Variants in RNF217 observed in about 807,000 individuals in gnomAD.
RNF217 encodes the protein ring finger protein 217, also known as E3 ubiquitin-protein ligase RNF217.
In RNF217, 31 loss-of-function variants were observed where a neutral mutation model predicts 57.8. The ratio of observed to expected loss-of-function variants is 0.54; its 90% confidence interval spans 0.40 to 0.72. The LOEUF (loss-of-function observed/expected upper bound fraction) is 0.72, where lower values mean the gene tolerates loss of function less well. Among genes scored for constraint, RNF217 ranks in the 30% least tolerant of loss-of-function variants. The pLI, the probability that RNF217 is intolerant of heterozygous loss-of-function variation, is 0.00. For synonymous variants in RNF217, 313 were observed against 294.0 expected (o/e 1.06, Z -0.66); for missense variants, 696 against 708.3 (o/e 0.98, Z 0.20).
rs568421361 is a variant in RNF217 at position 124,969,871 on chromosome 6, GGGGTTGTCATGGAGGATATGTTTTACGAA to G, written c.882+6449_882+6477del. Among the ~76,000 whole-genome samples the G allele has an allele frequency of 2.2e-3, 330 of 152,214 alleles. 2 individuals are homozygous for G. The highest frequency in any genetic ancestry group is 7.3e-3 in the African/African-American group (302 of 41,520). ...TCCTTGATAAATCTATAGTTTTGGG[GGGGTTGTCATGGAGGATATGTTTTACGAA>G]GGGATTTTTGAGAAGAGATCTTCAT... On this transcript the variant is annotated intron_variant, in intron 1 of 5. Transcript: ENST00000521654.
intron 1 of RNF217, among the ~76,000 whole-genome samples, chr6:125,014,302 G>A (rs1785525625): frequency 6.6e-6 from 1 of 152,164 alleles, no homozygotes; most frequent in Non-Finnish European, 1.5e-5. Context: ...AGTTTGTACT[G>A]CTCTAAATTC....
intron 1 of RNF217, among the ~76,000 whole-genome samples, chr6:125,039,294 G>A (rs1304298800): frequency 6.6e-6 from 1 of 151,856 alleles, no homozygotes; most frequent in Non-Finnish European, 1.5e-5. Context: ...AGCAAGGGTT[G>A]CAATCCTAGT....
intron 1 of RNF217, among the ~76,000 whole-genome samples, chr6:125,012,964 T>C (rs924299791): frequency 6.6e-6 from 1 of 152,168 alleles, no homozygotes; most frequent in Non-Finnish European, 1.5e-5. Context: ...GGGTAGTTTT[T>C]CAGATATAGA....
intron 3 of RNF217, among the ~76,000 whole-genome samples, chr6:125,070,629 C>A (rs532700250): frequency 1.3e-5 from 2 of 152,194 alleles, no homozygotes; most frequent in South Asian, 2.1e-4. Context: ...TGTTTGTTGA[C>A]TGTTGGTATC....
chr6:125,075,905 G>C (rs1240457099), intron 3 of RNF217, among the ~76,000 whole-genome samples: 1 of 151,934 alleles, frequency 6.6e-6, no homozygotes, highest in African/African-American at 2.4e-5. Flanking sequence ...CACACTGTAT[G>C]TTATATATGG....
chr6:125,025,606 A>G (rs1260690656), intron 1 of RNF217, among the ~76,000 whole-genome samples: 2 of 148,614 alleles, frequency 1.3e-5, no homozygotes, highest in Non-Finnish European at 3.0e-5. Flanking sequence ...GATATTTCCA[A>G]ATGTACTCCC....
intron 1 of RNF217, among the ~76,000 whole-genome samples, chr6:125,008,100 C>CA (rs1439602350): frequency 6.6e-6 from 1 of 151,802 alleles, no homozygotes; most frequent in South Asian, 2.1e-4. Context: ...ACTAAAAATA[C>CA]AAAAAATTAG....
chr6:125,076,698 C>T lies in RNF217; in HGVS notation c.1323C>T (p.Cys441=), dbSNP rs374103686. The T allele has an allele frequency of 2.5e-6, 4 of 1,612,914 alleles. No homozygotes were observed. The African/African-American group carries it at 5.3e-5, about 22-fold the overall frequency. Residue 441 remains cysteine (C), a synonymous_variant, in exon 4 of 6, where the codon TGC becomes TGT. Transcript: ENST00000521654. Reference sequence around the variant, plus strand: ...CTGAAGGATGTGACCATATGACCTGCTCACAATGTAACACTAATTTTTGTT... The same window carrying T: ...CTGAAGGATGTGACCATATGACCTGTTCACAATGTAACACTAATTTTTGTT... ...QRTEGCDHMT[C]SQCNTNFCYR...
intron 1 of RNF217, among the ~76,000 whole-genome samples, chr6:125,016,939 G>C (rs1228324579): frequency 6.6e-6 from 1 of 152,084 alleles, no homozygotes; most frequent in Non-Finnish European, 1.5e-5. Flanking sequence ...AAAAGAAATA[G>C]TTGGAAATTA....
At chr6:124,972,394 C>T (rs1319649528) in intron 1 of RNF217, among the ~76,000 whole-genome samples, 2 of 152,162 alleles carry the variant, frequency 1.3e-5, no homozygotes, top group Non-Finnish European at 2.9e-5. Context: ...CTCTCTCCAA[C>T]TTACTCTCCA....
intron 3 of RNF217, among the ~76,000 whole-genome samples, chr6:125,075,491 G>A (rs1034431467): frequency 6.6e-6 from 1 of 152,112 alleles, no homozygotes; most frequent in Admixed American, 6.6e-5. Flanking sequence ...ATGAATGCAA[G>A]CAGGGGAAAT....
intron 1 of RNF217, among the ~76,000 whole-genome samples, chr6:125,030,423 T>G (rs922091659): frequency 3.3e-5 from 5 of 152,118 alleles, no homozygotes; most frequent in African/African-American, 1.2e-4. Flanking sequence ...CCCTTCCTCC[T>G]AAGAGTCTGT....
intron 1 of RNF217, among the ~76,000 whole-genome samples, chr6:125,044,759 G>A (rs752768800): frequency 1.8e-4 from 28 of 152,048 alleles, no homozygotes; most frequent in Non-Finnish European, 3.2e-4. Context: ...ATAGTAAAAT[G>A]TGCCCAGAGT....
Position 125,085,634 on chromosome 6 carries a change from TTGTAAATTTAATA to T in RNF217, c.*2699_*2711del, listed in dbSNP as rs1435390816. The T allele has an allele frequency of 6.6e-6, 1 of 151,900 alleles. No homozygotes were observed. The highest frequency in any genetic ancestry group is 1.9e-4 in the East Asian group (1 of 5,196). The allele number at this position is 151,900 out of a possible 1,614,324, so 9.4% of individuals were successfully genotyped here. ...AGGCTTGTCATTTTATATGCTTTTA[TTGTAAATTTAATA>T]TATACTACTTTAAAAAATTGAACTA... On this transcript the variant is annotated 3_prime_UTR_variant, in exon 6 of 6. Transcript: ENST00000521654.
chr6:124,995,576 T>C (rs774572842), intron 1 of RNF217, among the ~76,000 whole-genome samples: 1 of 152,182 alleles, frequency 6.6e-6, no homozygotes, highest in African/African-American at 2.4e-5. Flanking sequence ...CATTGTTGTT[T>C]TGGAGTTTGT....
At chr6:125,033,538 G>A (rs1348921766) in intron 1 of RNF217, among the ~76,000 whole-genome samples, 2 of 148,226 alleles carry the variant, frequency 1.3e-5, no homozygotes, top group African/African-American at 5.0e-5. Flanking sequence ...CATTTTTTAT[G>A]GCTGCATAGT....
chr6:124,994,197 A>T (rs888379734), intron 1 of RNF217, among the ~76,000 whole-genome samples: 2 of 152,210 alleles, frequency 1.3e-5, no homozygotes, highest in Non-Finnish European at 2.9e-5. Flanking sequence ...ACATATTTTT[A>T]AAATATAGGC....
chr6:125,024,318 C>T (rs1161057515), intron 1 of RNF217, among the ~76,000 whole-genome samples: 1 of 152,214 alleles, frequency 6.6e-6, no homozygotes, highest in African/African-American at 2.4e-5. Context: ...CACGGTGGCT[C>T]ACGCCTGTAA....
At chr6:124,984,304 T>C (rs1276555763) in intron 1 of RNF217, among the ~76,000 whole-genome samples, 2 of 152,138 alleles carry the variant, frequency 1.3e-5, no homozygotes, top group South Asian at 4.2e-4. Flanking sequence ...TCCAGCACTT[T>C]GGGAAGGCAA....
Sources: gnomAD v4.1 joint callset for allele counts (sites outside exome capture counted in the v4.1 genomes callset) on GRCh38, gnomAD v4.1.1 for gene constraint, MANE v1.5 for transcripts, NCBI Gene and HGNC (gene_info 2026-07-23, HGNC 2026-07-21) for gene names.